The following FAM135A variants were observed in gnomAD, a reference collection of about 807,000 sequenced individuals.
FAM135A encodes protein FAM135A.
FAM135A carries 79 observed loss-of-function variants against 146.8 expected under a neutral mutation model. The ratio of observed to expected loss-of-function variants is 0.54; its 90% CI spans 0.45 to 0.65. The LOEUF is 0.65. Among genes scored for constraint, FAM135A ranks in the 30% least tolerant of loss-of-function variants. The pLI is 0.00. For synonymous variants in FAM135A, 562 were observed against 603.6 expected (o/e 0.93, Z 1.01); for missense variants, 1,623 against 1,758.2 (o/e 0.92, Z 1.38).
chr6:70,536,224 T>C, intron 18 of FAM135A, 36 bp from the exon 19 acceptor site: 1 of 1,554,574 alleles, frequency 6.4e-7, no homozygotes, highest in South Asian at 1.2e-5. Flanking sequence ...CTAAAACTAA[T>C]GCTGTGAGAA....
At chr6:70,438,046 GA>G (rs1213222179) in intron 4 of FAM135A, among the ~76,000 whole-genome samples, 14 of 151,800 alleles carry the variant, frequency 9.2e-5, no homozygotes, top group South Asian at 2.1e-4. Flanking sequence ...GTGGTTATTG[GA>G]AAAAAAGAAA....
At chr6:70,556,593 C>A in intron 20 of FAM135A, 157 bp from the exon 21 acceptor site, 1 of 535,656 alleles carries the variant, frequency 1.9e-6, no homozygotes, top group South Asian at 3.1e-5. Flanking sequence ...TTGTAGAGAA[C>A]ATACAGAAAT....
intron 20 of FAM135A, among the ~76,000 whole-genome samples, chr6:70,546,967 A>G (rs1336137690): frequency 1.3e-5 from 2 of 152,196 alleles, no homozygotes; most frequent in African/African-American, 4.8e-5. Context: ...TCAAGATTAT[A>G]TTACTAAAGC....
chr6:70,491,287 A>G (rs529479561), intron 11 of FAM135A, among the ~76,000 whole-genome samples: 1 of 152,108 alleles, frequency 6.6e-6, no homozygotes, highest in African/African-American at 2.4e-5. Flanking sequence ...TAAAAAGTAT[A>G]TTATTCTTCA....
chr6:70,545,352 C>A (rs1264850148), intron 20 of FAM135A, among the ~76,000 whole-genome samples: 2 of 152,128 alleles, frequency 1.3e-5, no homozygotes, highest in Non-Finnish European at 2.9e-5. Context: ...GTGGCTCATG[C>A]ATGTAATCCC....
At chr6:70,457,872 A>G (rs1778669221) in intron 5 of FAM135A, among the ~76,000 whole-genome samples, 2 of 151,404 alleles carry the variant, frequency 1.3e-5, no homozygotes, top group Admixed American at 1.3e-4. Flanking sequence ...TGGGTACTTA[A>G]TTTTTTTTTC....
At chr6:70,539,850 G>A (rs2128437983) in intron 20 of FAM135A, among the ~76,000 whole-genome samples, 1 of 152,160 alleles carries the variant, frequency 6.6e-6, no homozygotes, top group South Asian at 2.1e-4. Flanking sequence ...AAAAAAATTA[G>A]CCAGGCGTGG....
At chr6:70,512,337 C>G (rs140267091) in intron 12 of FAM135A, among the ~76,000 whole-genome samples, 2 of 151,948 alleles carry the variant, frequency 1.3e-5, no homozygotes, top group African/African-American at 2.4e-5. Flanking sequence ...TTCTACAGAT[C>G]TTTTTTGTGA....
intron 7 of FAM135A, among the ~76,000 whole-genome samples, chr6:70,476,448 A>G (rs922593846): frequency 2.0e-5 from 3 of 152,132 alleles, no homozygotes; most frequent in African/African-American, 4.8e-5. Context: ...TCTTCACTAT[A>G]TGGTAGCTAC....
intron 18 of FAM135A, among the ~76,000 whole-genome samples, chr6:70,534,344 G>A (rs1345766674): frequency 9.4e-6 from 1 of 106,268 alleles, no homozygotes; most frequent in Non-Finnish European, 1.8e-5. Context: ...TTTTGAGGCA[G>A]GGTGTTGCTC....
rs529166798 is a variant in FAM135A, at chr6:70,470,003, A to G, written c.158-5407A>G. Among the ~76,000 whole-genome samples the G allele has an allele frequency of 1.6e-4, 24 of 150,638 alleles. 2 individuals are homozygous for G. In the South Asian group the frequency reaches 4.8e-3, roughly 30 times the overall value. ...AAGACTCTGTCTCAAAAAAAAGTAG[A>G]AAAAAAAACAACAACAAAAGAACAA... On this transcript the variant is annotated intron_variant, in intron 5 of 21. Transcript: ENST00000418814.
chr6:70,447,493 C>A (rs1317010346), intron 4 of FAM135A, among the ~76,000 whole-genome samples: 2 of 152,224 alleles, frequency 1.3e-5, no homozygotes, highest in Non-Finnish European at 2.9e-5. Context: ...GGTCCACAGA[C>A]TCCTGTTGGG....
chr6:70,434,219 G>T (rs1772425108), intron 4 of FAM135A, among the ~76,000 whole-genome samples: 1 of 152,172 alleles, frequency 6.6e-6, no homozygotes, highest in Non-Finnish European at 1.5e-5. Flanking sequence ...CCTTTAAATA[G>T]ACACAGAAAC....
At chr6:70,545,768 T>C (rs1798745780) in intron 20 of FAM135A, among the ~76,000 whole-genome samples, 1 of 152,202 alleles carries the variant, frequency 6.6e-6, no homozygotes. Flanking sequence ...TTTAACCCTC[T>C]AGGGTAGGAA....
chr6:70,504,031 T>C (rs1355832698), intron 12 of FAM135A: 1 of 152,230 alleles, frequency 6.6e-6, no homozygotes, highest in Admixed American at 6.5e-5. Context: ...TCATAGGTTA[T>C]GCATAACTTC....
chr6:70,486,042 A>G (rs572157977), intron 10 of FAM135A: 38 of 592,504 alleles, frequency 6.4e-5, no homozygotes, highest in African/African-American at 6.1e-4. Context: ...AATTTTGATA[A>G]GCTAATTAAC....
chr6:70,429,041 A>G (rs72917936), intron 4 of FAM135A, among the ~76,000 whole-genome samples: 1 of 152,302 alleles, frequency 6.6e-6, no homozygotes, highest in Non-Finnish European at 1.5e-5. Context: ...CAACAGAAAG[A>G]CGTCTTTCTG....
chr6:70,426,839 G>A (rs1472843409), intron 3 of FAM135A: 2 of 152,238 alleles, frequency 1.3e-5, no homozygotes, highest in African/African-American at 4.8e-5. Flanking sequence ...CAGTAAACCT[G>A]CCTGACTTTT....
chr6:70,495,151 T>C (rs1225388909), intron 11 of FAM135A, among the ~76,000 whole-genome samples: 1 of 152,246 alleles, frequency 6.6e-6, no homozygotes, highest in Non-Finnish European at 1.5e-5. Context: ...GATGAATATT[T>C]ATTCATTATG....
Sources: allele counts gnomAD v4.1 joint callset (sites outside exome capture counted in the v4.1 genomes callset), GRCh38; gene constraint gnomAD v4.1.1; transcripts MANE v1.5; gene names NCBI Gene and HGNC (gene_info 2026-07-23, HGNC 2026-07-21).